The following NASP variants were observed in gnomAD, a reference collection of about 807,000 sequenced individuals.
NASP encodes the protein NASP histone chaperone.
A neutral mutation model predicts 89.5 loss-of-function variants in NASP; 24 were observed. That is an observed-to-expected ratio of 0.27 (90% CI 0.19 to 0.38). The LOEUF is 0.38. NASP is among the 10% of genes least tolerant of loss of function. The pLI is 1.00. For synonymous variants in NASP, 306 were observed against 324.7 expected (o/e 0.94, Z 0.62); for missense variants, 848 against 921.4 (o/e 0.92, Z 1.03).
chr1:45,607,397 C>T lies in NASP; in HGVS notation c.486C>T (p.Asp162=). ...AAGAAGAAGCCAAAAAAACAGAAGA[C>T]AAGTCTTTGGCAAAGCCTGAAACTG... ...GEKEEAKKTE[D]KSLAKPETDK... is the part of the protein sequence containing the mutation. The change falls in exon 6 of 15, where the codon GAC becomes GAT. Residue 162 remains aspartate, a synonymous_variant. Coordinates refer to ENST00000350030, the MANE Select transcript of NASP (RefSeq NM_002482.4). The T allele has an allele frequency of 6.2e-7, 1 of 1,613,944 alleles. No homozygotes were observed. The highest frequency in any genetic ancestry group is 8.5e-7 in the Non-Finnish European group (1 of 1,179,944).
In NASP at chr1:45,607,690, A is replaced by C; in HGVS notation, c.779A>C (p.Gln260Pro). 1.9e-6 allele frequency: 3 copies of C among 1,614,222 alleles called. No individual in the cohort carries two copies. The highest frequency in any genetic ancestry group is 2.5e-6 in the Non-Finnish European group (3 of 1,180,040). ...GAAGAGTGCAGAGAAAAAGGAGGTC[A>C]GGAGAAGCAGGGAGAGGTAATTGTG... ...VQEECREKGGQEKQGEVIVSI... is the reference protein window; with the variant it reads ...VQEECREKGGPEKQGEVIVSI... Residue 260 changes from glutamine (Q) to proline (P), a missense_variant, in exon 6 of 15, where the codon CAG becomes CCG. By Grantham distance (76) the Gln-to-Pro change is moderately conservative. Coordinates refer to ENST00000350030, the MANE Select transcript of NASP (RefSeq NM_002482.4).
chr1:45,586,309 G>GGTGT (rs879377284), intron 1 of NASP, among the ~76,000 whole-genome samples: 1 of 136,000 alleles, frequency 7.4e-6, no homozygotes, highest in East Asian at 2.3e-4. Flanking sequence ...GTGTGTGTGT[G>GGTGT]GTGTGTGTGT....
At chr1:45,616,256 A>T in intron 11 of NASP, 81 bp from the exon 12 acceptor site, 1 of 1,284,442 alleles carries the variant, frequency 7.8e-7, no homozygotes, top group Non-Finnish European at 1.1e-6. Flanking sequence ...AGTTGTTTGG[A>T]TGGTGATGGG....
At chr1:45,592,490 T>C (rs1353705773) in intron 2 of NASP, among the ~76,000 whole-genome samples, 1 of 152,126 alleles carries the variant, frequency 6.6e-6, no homozygotes, top group Non-Finnish European at 1.5e-5. Flanking sequence ...TGAGAATTAT[T>C]ACTGTTAGAA....
rs758773634 is a variant in NASP, at chr1:45,617,575, A to C, written c.2270A>C (p.Glu757Ala). Residue 757 changes from glutamate (E) to alanine (A), a missense_variant, in exon 14 of 15, where the codon GAA (glutamate) becomes GCA (alanine). Transcript: ENST00000350030. The stretch of plus-strand genomic sequence containing the variant: ...GTCCCCAGTGGAAATGAAGTTTCGG[A>C]AAACATGGAGGAGGAGGTGGGCAGT... ...DAVPSGNEVS[E>A]NMEEEAENQA... 2 of 1,595,286 alleles carry C rather than the reference A, an allele frequency of 1.3e-6. No individual in the cohort carries two copies. The highest frequency in any genetic ancestry group is 2.7e-5 in the African/African-American group (2 of 73,656).
chr1:45,602,206 ATAC>A (rs1053695368), intron 2 of NASP, 46 bp from the exon 3 acceptor site: 2 of 1,551,492 alleles, frequency 1.3e-6, no homozygotes, highest in African/African-American at 1.4e-5. Flanking sequence ...TATTCAAAAA[ATAC>A]TGATTTAAAC....
intron 2 of NASP, chr1:45,594,692 A>G: frequency 2.2e-6 from 1 of 454,958 alleles, no homozygotes; most frequent in South Asian, 1.6e-5. Context: ...TTTTGTTTTT[A>G]GAGATGAGGT....
chr1:45,614,961 A>G (rs190843689), intron 9 of NASP, 52 bp from the exon 10 acceptor site: 3 of 1,500,422 alleles, frequency 2.0e-6, no homozygotes, highest in Middle Eastern at 1.8e-4. Context: ...TTCTGGAAGT[A>G]TTTTATGTTG....
chr1:45,602,151 G>C, intron 2 of NASP, 104 bp from the exon 3 acceptor site: 2 of 1,406,418 alleles, frequency 1.4e-6, no homozygotes, highest in Non-Finnish European at 1.9e-6. Flanking sequence ...TGCCAGAGTA[G>C]TCCAAAAGTT....
At position 45,608,102 on chromosome 1, in the gene NASP, T is replaced by C; in HGVS notation, c.1191T>C (p.Ser397=). Residue 397 remains serine, a synonymous_variant, in exon 6 of 15, where the codon TCT becomes TCC. Coordinates refer to ENST00000350030, the MANE Select transcript of NASP (RefSeq NM_002482.4). Reference sequence around the variant, plus strand: ...AGACTCCTATTGAACCACAGACTTCTATAGAAAGACTGACAGAAACAAAAG... The same window carrying C: ...AGACTCCTATTGAACCACAGACTTCCATAGAAAGACTGACAGAAACAAAAG... ...GDQTPIEPQT[S]IERLTETKDG... 1.2e-6 allele frequency: 2 copies of C among 1,613,976 alleles called. No individual in the cohort carries two copies. Among genetic ancestry groups the C allele is most frequent in the South Asian group, 2.2e-5 (2 of 91,078 alleles).
At chr1:45,611,459 T>C (rs1644007900) in intron 6 of NASP, 1 of 32,342 alleles carries the variant, frequency 3.1e-5, no homozygotes, top group Non-Finnish European at 6.6e-5. Context: ...GCCATTACTT[T>C]TTTTTTTTTT....
chr1:45,585,037 G>A (rs1644511152), intron 1 of NASP, among the ~76,000 whole-genome samples: 1 of 152,150 alleles, frequency 6.6e-6, no homozygotes, highest in Admixed American at 6.5e-5. Flanking sequence ...CACCAGCACT[G>A]TTTGGTTGCT....
chr1:45,609,863 T>G (rs771493732), intron 6 of NASP: 5 of 152,162 alleles, frequency 3.3e-5, no homozygotes, highest in Non-Finnish European at 7.4e-5. Context: ...TACCACACAT[T>G]GAAGAAGACA....
chr1:45,609,657 G>A (rs558593682), intron 6 of NASP: 10 of 152,252 alleles, frequency 6.6e-5, no homozygotes, highest in South Asian at 2.1e-4. Context: ...CAGATTGTTC[G>A]AAAACTCGTT....
Position 45,607,706 on chromosome 1 carries a change from G to T in NASP, c.795G>T (p.Glu265Asp). 6.2e-7 allele frequency: 1 copy of T among 1,614,144 alleles called. No individual in the cohort carries two copies. The highest frequency in any genetic ancestry group is 1.1e-5 in the South Asian group (1 of 91,080). The change falls in exon 6 of 15, where the codon GAG (glutamate) becomes GAT (aspartate). Residue 265 changes from glutamate to aspartate, a missense_variant. Around this residue, in one of 5 missense-constraint regions of NASP, gnomAD observed 464 missense variants for 469.4 expected, o/e 0.99. Transcript: ENST00000350030. ...REKGGQEKQGEVIVSIEEKPK... is the reference protein window; with the variant it reads ...REKGGQEKQGDVIVSIEEKPK... ...AAGGAGGTCAGGAGAAGCAGGGAGAGGTAATTGTGAGCATAGAGGAGAAGC... is the reference window on the plus strand; with the variant it reads ...AAGGAGGTCAGGAGAAGCAGGGAGATGTAATTGTGAGCATAGAGGAGAAGC...
chr1:45,587,864 T>C (rs1172188984), intron 1 of NASP, among the ~76,000 whole-genome samples: 1 of 150,032 alleles, frequency 6.7e-6, no homozygotes, highest in Non-Finnish European at 1.5e-5. Context: ...CAGGGTCCTG[T>C]AATCGCTTGA....
At chr1:45,614,461 GAT>G (rs1644068157) in intron 9 of NASP, 95 bp downstream of exon 9, 2 of 1,000,884 alleles carry the variant, frequency 2.0e-6, no homozygotes, top group East Asian at 4.9e-5. Flanking sequence ...TCTTTAAAAA[GAT>G]AGGTCTGTGT....
chr1:45,591,346 T>C, intron 2 of NASP, 76 bp downstream of exon 2: 1 of 1,023,268 alleles, frequency 9.8e-7, no homozygotes, highest in Non-Finnish European at 1.4e-6. Context: ...AAGTTATTTT[T>C]ATTTTTTAAT....
intron 2 of NASP, among the ~76,000 whole-genome samples, chr1:45,595,105 T>G (rs975994243): frequency 1.5e-4 from 23 of 150,416 alleles, no homozygotes; most frequent in African/African-American, 5.4e-4. Context: ...GAGATACTCC[T>G]GCCTCAGCCT....
Sources: gnomAD v4.1 joint callset for allele counts (sites outside exome capture counted in the v4.1 genomes callset) on GRCh38, gnomAD v4.1.1 for gene constraint, gnomAD v4.1.1 regional missense constraint, MANE v1.5 for transcripts, NCBI Gene and HGNC (gene_info 2026-07-23, HGNC 2026-07-21) for gene names.